The following CCDC38 variants were observed in gnomAD, a reference collection of about 807,000 sequenced individuals.
The protein encoded by CCDC38 is coiled-coil domain containing 38.
In CCDC38, 69 loss-of-function variants were observed where a neutral mutation model predicts 72.8. The ratio of observed to expected loss-of-function variants is 0.95; its 90% CI spans 0.78 to 1.16. The LOEUF is 1.16. Among genes scored for constraint, CCDC38 ranks in the 50% most tolerant of loss-of-function variants. The probability of loss-of-function intolerance (pLI) is 0.00; values close to 1 mark genes in which losing one functional copy is unlikely to be tolerated. For missense variants in CCDC38, 626 were observed against 638.9 expected, an observed-to-expected ratio of 0.98 and a Z score of 0.22; for synonymous variants, 201 against 213.2, an observed-to-expected ratio of 0.94 and a Z score of 0.50.
chr12:95,923,153 T>TC (rs929652516), intron 2 of CCDC38, among the ~76,000 whole-genome samples: 11 of 152,074 alleles, frequency 7.2e-5, no homozygotes, highest in African/African-American at 2.7e-4. Flanking sequence ...CACCATCAGT[T>TC]CCCCTGCTTC....
At chr12:95,874,187 ACAACACTGCTG>A (rs1393802019) in intron 13 of CCDC38, among the ~76,000 whole-genome samples, 1 of 152,220 alleles carries the variant, frequency 6.6e-6, no homozygotes, top group Non-Finnish European at 1.5e-5. Flanking sequence ...GCATATGAAA[ACAACACTGCTG>A]CAATGTGAGT....
At chr12:95,894,759 A>C (rs1011696075) in intron 8 of CCDC38, among the ~76,000 whole-genome samples, 1 of 152,196 alleles carries the variant, frequency 6.6e-6, no homozygotes, top group African/African-American at 2.4e-5. Flanking sequence ...TCTTTTCTTT[A>C]TAAATTGCCC....
chr12:95,937,782 T>C (rs1377109985), intron 1 of CCDC38, among the ~76,000 whole-genome samples: 2 of 152,240 alleles, frequency 1.3e-5, no homozygotes, highest in African/African-American at 2.4e-5. Context: ...AGTTCATGTA[T>C]CATTCAAAAA....
intron 1 of CCDC38, among the ~76,000 whole-genome samples, chr12:95,940,423 C>T (rs960576795): frequency 5.9e-5 from 9 of 151,396 alleles, no homozygotes; most frequent in African/African-American, 2.2e-4. Context: ...AGATATTATT[C>T]GAATCAGTTT....
chr12:95,938,309 A>T (rs1386250329), intron 1 of CCDC38, among the ~76,000 whole-genome samples: 4 of 152,112 alleles, frequency 2.6e-5, no homozygotes, highest in African/African-American at 9.7e-5. Flanking sequence ...AATACTAAAG[A>T]TTTGTAGATT....
intron 15 of CCDC38, among the ~76,000 whole-genome samples, chr12:95,867,700 C>T (rs1444725817): frequency 2.6e-5 from 4 of 152,090 alleles, no homozygotes; most frequent in East Asian, 1.9e-4. Context: ...TGGGAAACCC[C>T]GAGTTCATAC....
intron 2 of CCDC38, among the ~76,000 whole-genome samples, chr12:95,922,799 G>T (rs532691123): frequency 6.6e-6 from 1 of 152,152 alleles, no homozygotes; most frequent in East Asian, 1.9e-4. Context: ...AAGCCAACAG[G>T]CTGAAGACCA....
chr12:95,908,208 C>T (rs1009472856), intron 4 of CCDC38, among the ~76,000 whole-genome samples: 2 of 151,616 alleles, frequency 1.3e-5, no homozygotes, highest in African/African-American at 4.8e-5. Flanking sequence ...GTCTGCAATC[C>T]CGGCACCTCG....
At chr12:95,941,064 A>G (rs1305009218) in intron 1 of CCDC38, among the ~76,000 whole-genome samples, 2 of 152,248 alleles carry the variant, frequency 1.3e-5, no homozygotes, top group Non-Finnish European at 1.5e-5. Flanking sequence ...AACTAAGGAA[A>G]GAAATTCACT....
rs1310584927 is a variant in CCDC38 at position 95,918,673 on chromosome 12, A to AGGT, written c.138+200_138+202dup. Among the ~76,000 whole-genome samples, 3 of 152,296 alleles carry AGGT rather than the reference A, an allele frequency of 2.0e-5. No homozygotes were observed. In the East Asian group the frequency reaches 5.8e-4, roughly 29 times the overall value. On this transcript the variant is annotated intron_variant, in intron 3 of 15. Transcript: ENST00000344280. Reference sequence around the variant, plus strand: ...AGTGGTATATCTCTCTTCCTCCGTTAGGTGGCGATCTTTGTGCTGCCTACT... The same window carrying AGGT: ...AGTGGTATATCTCTCTTCCTCCGTTAGGTGGTGGCGATCTTTGTGCTGCCTACT...
chr12:95,868,203 A>G (rs931960323), intron 15 of CCDC38, among the ~76,000 whole-genome samples: 4 of 152,010 alleles, frequency 2.6e-5, no homozygotes, highest in Non-Finnish European at 5.9e-5. Flanking sequence ...TTTTTCCCCC[A>G]ATTTTTTCCA....
At chr12:95,916,383 T>G (rs12580561) in intron 4 of CCDC38, among the ~76,000 whole-genome samples, 16,149 of 81,862 alleles carry the variant, frequency 0.2, 1,289 homozygotes, top group African/African-American at 0.29. Context: ...CTGCCTGCCT[T>G]CCTTCCTTCC....
At chr12:95,920,957 C>T (rs983436100) in intron 2 of CCDC38, among the ~76,000 whole-genome samples, 46 of 151,656 alleles carry the variant, frequency 3.0e-4, no homozygotes, top group African/African-American at 9.2e-4. Context: ...GGAGAAACCC[C>T]ATCTCTACGA....
chr12:95,888,328 G>T (rs1204983672), intron 10 of CCDC38, 130 bp downstream of exon 10: 1 of 769,622 alleles, frequency 1.3e-6, no homozygotes, highest in Non-Finnish European at 2.2e-6. Context: ...CACAGAAATG[G>T]CACCACTACT....
At position 95,872,477 on chromosome 12, in the gene CCDC38, C is replaced by T. The variant is rs1354063334; in HGVS notation, c.1279-17G>A. On this transcript the variant is annotated splice_polypyrimidine_tract_variant and intron_variant, in intron 13 of 15. Coordinates refer to ENST00000344280, the MANE Select transcript of CCDC38 (RefSeq NM_182496.3). ...CAGTATTTCCTGAGATTGAGAAGAG[C>T]AGAAAACATTAACATCACATTCCAC... is the stretch of plus-strand genomic sequence containing the variant. 2 of 1,533,934 alleles carry T rather than the reference C, an allele frequency of 1.3e-6. No homozygotes were observed. Among genetic ancestry groups the T allele is most frequent in the Non-Finnish European group, 1.8e-6 (2 of 1,107,588 alleles).
rs138905495 is a variant in CCDC38 at position 95,900,556 on chromosome 12, T to C, written c.370-1825A>G. Among the ~76,000 whole-genome samples, 415 of 152,332 alleles carry C rather than the reference T, an allele frequency of 2.7e-3. 1 individual carries two copies. The highest frequency in any genetic ancestry group is 9.0e-3 in the African/African-American group (376 of 41,572). On this transcript the variant is annotated intron_variant, in intron 5 of 15. Coordinates refer to ENST00000344280, the MANE Select transcript of CCDC38 (RefSeq NM_182496.3). ...CAGTTGTAAAGCTGGGTGCACAAAT[T>C]ACCAACCATAGCAATATTCATTTAT...
In CCDC38 at chr12:95,879,585, C is replaced by T. The variant is rs1368401196; in HGVS notation, c.1142+59G>A. 7 of 1,265,988 alleles carry T rather than the reference C, an allele frequency of 5.5e-6. No individual in the cohort carries two copies. Among genetic ancestry groups the T allele is most frequent in the Non-Finnish European group, 7.8e-6 (7 of 899,640 alleles). The allele number at this position is 1,265,988 out of a possible 1,614,324, so 78.4% of individuals were successfully genotyped here. A position where few individuals can be genotyped will look rare whatever the true frequency, so the allele number is the denominator to read the frequency against. ...AAGAGCCACATGTGAGTGAGTTGGA[C>T]CCAGGCTCTGGTTAGAAATTGCTTA... On this transcript the variant is annotated intron_variant, in intron 12 of 15. Coordinates refer to ENST00000344280, the MANE Select transcript of CCDC38 (RefSeq NM_182496.3). The surrounding 1 kb of genome is among the most constrained non-coding windows in gnomAD (Gnocchi z 5.5).
intron 8 of CCDC38, among the ~76,000 whole-genome samples, chr12:95,891,722 T>C (rs948019838): frequency 6.6e-6 from 1 of 152,090 alleles, no homozygotes; most frequent in Non-Finnish European, 1.5e-5. Flanking sequence ...TTCCCTCTTG[T>C]GCAACACCAT....
At position 95,915,087 on chromosome 12, in the gene CCDC38, C is replaced by A. The variant is rs116950556; in HGVS notation, c.304+2042G>T. Among the ~76,000 whole-genome samples the A allele has an allele frequency of 4.9e-3, 751 of 152,316 alleles. 4 individuals are homozygous for A. Among genetic ancestry groups the A allele is most frequent in the Non-Finnish European group, 8.2e-3 (555 of 68,020 alleles). The stretch of plus-strand genomic sequence containing the variant: ...ATCCTGTGCTGTCAACTTACTAAAT[C>A]TTAGAGCCATATTCACCATTTCAGC... On this transcript the variant is annotated intron_variant, in intron 4 of 15. Coordinates refer to ENST00000344280, the MANE Select transcript of CCDC38 (RefSeq NM_182496.3).
Sources: gnomAD v4.1 joint callset for allele counts (sites outside exome capture counted in the v4.1 genomes callset) on GRCh38, gnomAD v4.1.1 for gene constraint, Gnocchi (gnomAD v3.1) non-coding constraint, MANE v1.5 for transcripts, NCBI Gene and HGNC (gene_info 2026-07-23, HGNC 2026-07-21) for gene names.